Variants in LTBP1 observed in about 807,000 individuals in gnomAD.
LTBP1 encodes latent-transforming growth factor beta-binding protein 1.
In LTBP1, 129 loss-of-function variants were observed where a neutral mutation model predicts 207.6. That is an observed-to-expected ratio of 0.62 (90% CI 0.54 to 0.72). The LOEUF (loss-of-function observed/expected upper bound fraction) is 0.72, where lower values mean the gene tolerates loss of function less well. Ranked by LOEUF, LTBP1 falls within the 30% of genes least tolerant of loss-of-function variation. The probability of loss-of-function intolerance (pLI) is 0.00; values close to 1 mark genes in which losing one functional copy is unlikely to be tolerated. For synonymous variants in LTBP1, 963 were observed against 833.7 expected, an observed-to-expected ratio of 1.16 and a Z score of -2.67; for missense variants, 2,281 against 2,217.2, an observed-to-expected ratio of 1.03 and a Z score of -0.58.
Position 32,975,296 on chromosome 2 carries a change from G to A in LTBP1, c.565+26351G>A, listed in dbSNP as rs1012606841. Among the ~76,000 whole-genome samples, 9 of 152,140 alleles carry A rather than the reference G, an allele frequency of 5.9e-5. 1 individual carries two copies. The highest frequency in any genetic ancestry group is 8.8e-5 in the Non-Finnish European group (6 of 67,998). On this transcript the variant is annotated intron_variant, in intron 2 of 33. Transcript: ENST00000404816. Reference sequence around the variant, plus strand: ...GTAGGTGACCTGCCCCTTCTCTCTGGCTGTCTTTAATATTATTTATTTTAT... The same window carrying A: ...GTAGGTGACCTGCCCCTTCTCTCTGACTGTCTTTAATATTATTTATTTTAT...
At position 33,399,502 on chromosome 2, in the gene LTBP1, G is replaced by A. The variant is rs1421276312; in HGVS notation, c.*957G>A. On this transcript the variant is annotated 3_prime_UTR_variant, in exon 34 of 34. Coordinates refer to ENST00000404816, the MANE Select transcript of LTBP1 (RefSeq NM_206943.4). Reference sequence around the variant, plus strand: ...CATTAAATTTGTTAGATCTTGTTATGGGCTAAATTGTTTCCCCTAACATTC... The same window carrying A: ...CATTAAATTTGTTAGATCTTGTTATAGGCTAAATTGTTTCCCCTAACATTC... 7 of 152,046 alleles carry A rather than the reference G, an allele frequency of 4.6e-5. No homozygotes were observed. Among genetic ancestry groups the A allele is most frequent in the Admixed American group, 4.6e-4 (7 of 15,258 alleles). The allele number at this position is 152,046 out of a possible 1,614,324, so 9.4% of individuals were successfully genotyped here.
intron 22 of LTBP1, among the ~76,000 whole-genome samples, chr2:33,308,240 A>G (rs896571046): frequency 1.3e-5 from 2 of 152,238 alleles, no homozygotes; most frequent in Admixed American, 6.5e-5. Flanking sequence ...ATCTGCTCGC[A>G]TTCATGCGGT....
At chr2:33,126,871 T>G (rs866782317) in intron 4 of LTBP1, among the ~76,000 whole-genome samples, 4 of 152,358 alleles carry the variant, frequency 2.6e-5, no homozygotes, top group South Asian at 4.1e-4. Flanking sequence ...TTCTGCAAGC[T>G]TGGATTCTCT....
At chr2:33,108,316 C>T (rs1040660930) in intron 3 of LTBP1, among the ~76,000 whole-genome samples, 1 of 152,014 alleles carries the variant, frequency 6.6e-6, no homozygotes, top group Non-Finnish European at 1.5e-5. Context: ...GTGGGGGCAG[C>T]TGTGTGTAGC....
intron 3 of LTBP1, among the ~76,000 whole-genome samples, chr2:33,061,897 G>A (rs2077287717): frequency 6.6e-6 from 1 of 152,120 alleles, no homozygotes; most frequent in South Asian, 2.1e-4. Flanking sequence ...TTTTTCCAAA[G>A]CGGTTTATCA....
At chr2:33,292,870 C>T (rs977073077) in intron 19 of LTBP1, among the ~76,000 whole-genome samples, 2 of 152,128 alleles carry the variant, frequency 1.3e-5, no homozygotes, top group African/African-American at 4.8e-5. Flanking sequence ...CTAAATCTCC[C>T]GTCTCTTCCT....
At chr2:33,078,761 TAGTC>T (rs1255214838) in intron 3 of LTBP1, among the ~76,000 whole-genome samples, 1 of 152,148 alleles carries the variant, frequency 6.6e-6, no homozygotes, top group Non-Finnish European at 1.5e-5. Context: ...CTATATTACA[TAGTC>T]AGCTCAATAA....
At chr2:33,353,611 C>A (rs1461010038) in intron 26 of LTBP1, among the ~76,000 whole-genome samples, 1 of 152,104 alleles carries the variant, frequency 6.6e-6, no homozygotes, top group African/African-American at 2.4e-5. Context: ...AATAATTTTT[C>A]ATTTTTTTAA....
At chr2:33,079,908 ATTCT>A (rs2078300802) in intron 3 of LTBP1, among the ~76,000 whole-genome samples, 1 of 150,932 alleles carries the variant, frequency 6.6e-6, no homozygotes, top group South Asian at 2.1e-4. Context: ...TTGACTTGCT[ATTCT>A]TTCTTTCTCT....
At chr2:33,146,453 G>A (rs1315054639) in intron 5 of LTBP1, among the ~76,000 whole-genome samples, 4 of 152,192 alleles carry the variant, frequency 2.6e-5, no homozygotes, top group Non-Finnish European at 4.4e-5. Context: ...AGCCTCCAGT[G>A]TCTTTCCAGC....
intron 3 of LTBP1, among the ~76,000 whole-genome samples, chr2:33,025,577 G>A (rs2075377413): frequency 6.6e-6 from 1 of 152,150 alleles, no homozygotes; most frequent in Non-Finnish European, 1.5e-5. Flanking sequence ...TAACAATGAC[G>A]ATTTATAGAA....
At chr2:33,354,472 T>C (rs575173830) in intron 26 of LTBP1, among the ~76,000 whole-genome samples, 1 of 152,156 alleles carries the variant, frequency 6.6e-6, no homozygotes, top group Non-Finnish European at 1.5e-5. Context: ...AATACGTTCA[T>C]TTGTTTAAAA....
intron 22 of LTBP1, among the ~76,000 whole-genome samples, chr2:33,303,364 T>TTA (rs1406208215): frequency 3.3e-5 from 5 of 150,858 alleles, no homozygotes; most frequent in Non-Finnish European, 5.9e-5. Context: ...TTTTTTTTTT[T>TTA]TTTTGAGACG....
intron 7 of LTBP1, 130 bp from the exon 8 acceptor site, chr2:33,217,422 T>A (rs1299904764): frequency 1.8e-6 from 1 of 545,000 alleles, no homozygotes; most frequent in Non-Finnish European, 3.3e-6. Context: ...AGTTTTATAG[T>A]TTTTTTCCTT....
intron 11 of LTBP1, among the ~76,000 whole-genome samples, chr2:33,254,092 AC>A (rs2092760452): frequency 1.3e-5 from 2 of 151,494 alleles, no homozygotes; most frequent in South Asian, 4.2e-4. Context: ...ACGGAGTTTG[AC>A]TGTGTTACTT....
intron 2 of LTBP1, among the ~76,000 whole-genome samples, chr2:32,953,835 C>G (rs1300611626): frequency 2.0e-5 from 3 of 152,124 alleles, no homozygotes; most frequent in Non-Finnish European, 4.4e-5. Flanking sequence ...TTCGAGAGCT[C>G]AAATTAAATT....
intron 3 of LTBP1, among the ~76,000 whole-genome samples, chr2:33,097,357 G>A (rs1201486251): frequency 6.6e-6 from 1 of 152,094 alleles, no homozygotes; most frequent in Non-Finnish European, 1.5e-5. Context: ...TAAAGTTCTA[G>A]TATTTTTCTC....
At chr2:33,147,902 AC>A (rs1476541217) in intron 5 of LTBP1, among the ~76,000 whole-genome samples, 1 of 152,190 alleles carries the variant, frequency 6.6e-6, no homozygotes, top group African/African-American at 2.4e-5. Context: ...AAGAATTTTC[AC>A]CTTTTTTGCT....
chr2:33,145,336 C>G (rs139436230), intron 5 of LTBP1, among the ~76,000 whole-genome samples: 128 of 152,196 alleles, frequency 8.4e-4, no homozygotes, highest in African/African-American at 2.9e-3. Flanking sequence ...AGATGCCCAT[C>G]AGCTTCAATA....
Sources: allele counts gnomAD v4.1 joint callset (sites outside exome capture counted in the v4.1 genomes callset), GRCh38; gene constraint gnomAD v4.1.1; transcripts MANE v1.5; gene names NCBI Gene and HGNC (gene_info 2026-07-23, HGNC 2026-07-21).